The following UQCC1 variants were observed in gnomAD, a reference collection of about 807,000 sequenced individuals.
The protein encoded by UQCC1 is bFGF-repressed Zic-binding protein.
UQCC1 carries 38 observed loss-of-function variants against 48.0 expected under a neutral mutation model. The ratio of observed to expected loss-of-function variants is 0.79; its 90% CI spans 0.61 to 1.04. The LOEUF (loss-of-function observed/expected upper bound fraction) is 1.04. UQCC1 is among the 50% of genes least tolerant of loss of function. The pLI is 0.00. For missense variants in UQCC1, 368 were observed against 381.8 expected, an observed-to-expected ratio of 0.96 and a Z score of 0.30; for synonymous variants, 111 against 129.2, an observed-to-expected ratio of 0.86 and a Z score of 0.95.
intron 2 of UQCC1, among the ~76,000 whole-genome samples, chr20:35,391,045 A>T (rs955219817): frequency 3.3e-5 from 5 of 151,804 alleles, no homozygotes; most frequent in Non-Finnish European, 7.4e-5. Flanking sequence ...AAAATACAAA[A>T]AGTAGCTGGG....
chr20:35,385,584 C>T (rs893527906), intron 2 of UQCC1, among the ~76,000 whole-genome samples: 3 of 152,176 alleles, frequency 2.0e-5, no homozygotes, highest in African/African-American at 7.2e-5. Flanking sequence ...TGACTGCAAC[C>T]TCCACCTCCC....
chr20:35,373,719 G>A (rs1484485703), intron 5 of UQCC1, among the ~76,000 whole-genome samples: 3 of 147,226 alleles, frequency 2.0e-5, no homozygotes, highest in Non-Finnish European at 4.5e-5. Flanking sequence ...CATCCAGACT[G>A]TAAAACAGAA....
chr20:35,373,500 G>A (rs548899376), intron 5 of UQCC1, among the ~76,000 whole-genome samples: 1 of 152,140 alleles, frequency 6.6e-6, no homozygotes, highest in East Asian at 1.9e-4. Context: ...CCAACATGGT[G>A]AAACCCCATG....
Position 35,407,096 on chromosome 20 carries a change from T to C in UQCC1, c.24+4844A>G, listed in dbSNP as rs570466913. 4.6e-5 allele frequency among the ~76,000 whole-genome samples: 7 copies of C among 152,298 alleles called. No homozygotes were observed. In the East Asian group the frequency reaches 9.6e-4, roughly 21 times the overall value. On this transcript the variant is annotated intron_variant, in intron 1 of 9. Coordinates refer to ENST00000374385, the MANE Select transcript of UQCC1 (RefSeq NM_018244.5). The stretch of plus-strand genomic sequence containing the variant: ...AACTTACGGGAATGGCTTCATGACA[T>C]TGGATTTTGCAATGATTTCTTGGAC...
chr20:35,384,658 AAAAAAG>A (rs1316911709), intron 2 of UQCC1: 1 of 452,394 alleles, frequency 2.2e-6, no homozygotes, highest in Middle Eastern at 3.4e-4. Context: ...TAAAAAAAAA[AAAAAAG>A]AGAGAGAGAG....
chr20:35,384,475 T>C (rs112329828), intron 2 of UQCC1: 2 of 332,510 alleles, frequency 6.0e-6, no homozygotes, highest in African/African-American at 2.2e-5. Flanking sequence ...ACTCTATTTC[T>C]ACAAATTTTT....
At chr20:35,305,031 C>T (rs992612772) in intron 9 of UQCC1, among the ~76,000 whole-genome samples, 2 of 152,166 alleles carry the variant, frequency 1.3e-5, no homozygotes, top group Non-Finnish European at 2.9e-5. Context: ...CTTGGGCCAT[C>T]GGCCACACCA....
At chr20:35,331,025 G>A (rs1236370591) in intron 7 of UQCC1, among the ~76,000 whole-genome samples, 2 of 152,126 alleles carry the variant, frequency 1.3e-5, no homozygotes, top group African/African-American at 4.8e-5. Flanking sequence ...GTCTTTGAAG[G>A]AGAAGGAGTA....
At chr20:35,367,730 C>T (rs6142357) in intron 5 of UQCC1, among the ~76,000 whole-genome samples, 27 of 152,072 alleles carry the variant, frequency 1.8e-4, no homozygotes, top group East Asian at 1.7e-3. Flanking sequence ...ACTGTACTCA[C>T]GCCTGAGTGA....
chr20:35,324,940 G>A (rs1457237720), intron 7 of UQCC1, among the ~76,000 whole-genome samples: 1 of 152,176 alleles, frequency 6.6e-6, no homozygotes, highest in Non-Finnish European at 1.5e-5. Flanking sequence ...AACAACCCAA[G>A]TGTCCAATGA....
intron 2 of UQCC1, among the ~76,000 whole-genome samples, chr20:35,386,903 T>C (rs987323726): frequency 6.6e-6 from 1 of 152,020 alleles, no homozygotes; most frequent in Non-Finnish European, 1.5e-5. Flanking sequence ...TTTTTTGTAC[T>C]ACCCACTCTT....
intron 7 of UQCC1, among the ~76,000 whole-genome samples, chr20:35,321,279 TGTGTGCGC>T (rs774036452): frequency 1.4e-5 from 2 of 138,904 alleles, no homozygotes; most frequent in African/African-American, 5.7e-5. Flanking sequence ...TGTGTGTGTG[TGTGTGCGC>T]GCGCGCGCGC....
intron 6 of UQCC1, among the ~76,000 whole-genome samples, chr20:35,351,679 G>A (rs760213623): frequency 4.6e-5 from 7 of 152,186 alleles, no homozygotes; most frequent in Non-Finnish European, 1.0e-4. Context: ...TCTGTAGTTT[G>A]TTAATACACC....
At chr20:35,311,042 C>T (rs573973656) in intron 8 of UQCC1, among the ~76,000 whole-genome samples, 1 of 152,046 alleles carries the variant, frequency 6.6e-6, no homozygotes, top group South Asian at 2.1e-4. Context: ...AAAATATTTA[C>T]AGAGGGAGTG....
chr20:35,370,905 A>C (rs2061722632), intron 5 of UQCC1, among the ~76,000 whole-genome samples: 1 of 152,226 alleles, frequency 6.6e-6, no homozygotes, highest in Non-Finnish European at 1.5e-5. Context: ...ACACAGGTTC[A>C]AGGCTTGGCT....
intron 7 of UQCC1, among the ~76,000 whole-genome samples, chr20:35,327,003 G>C (rs1250117037): frequency 6.6e-6 from 1 of 152,172 alleles, no homozygotes; most frequent in Non-Finnish European, 1.5e-5. Context: ...GCAACACTGA[G>C]ATCACTGACC....
chr20:35,334,410 CA>C (rs2061291683), intron 7 of UQCC1, among the ~76,000 whole-genome samples: 1 of 152,162 alleles, frequency 6.6e-6, no homozygotes, highest in South Asian at 2.1e-4. Context: ...TGTCACCAAA[CA>C]AAGCCAAACA....
chr20:35,333,298 T>C (rs2061278154), intron 7 of UQCC1, among the ~76,000 whole-genome samples: 1 of 152,164 alleles, frequency 6.6e-6, no homozygotes, highest in South Asian at 2.1e-4. Context: ...GTCTGTAAAA[T>C]TCCTGGCACA....
intron 1 of UQCC1, among the ~76,000 whole-genome samples, chr20:35,410,764 A>G (rs2062348753): frequency 7.0e-6 from 1 of 142,268 alleles, no homozygotes; most frequent in Admixed American, 7.2e-5. Flanking sequence ...TTAAAAAAAA[A>G]AAAAAAAAAA....
Sources: gnomAD v4.1 joint callset for allele counts (sites outside exome capture counted in the v4.1 genomes callset) on GRCh38, gnomAD v4.1.1 for gene constraint, MANE v1.5 for transcripts, NCBI Gene and HGNC (gene_info 2026-07-23, HGNC 2026-07-21) for gene names.